USH2A: variants seen among roughly 807,000 people sequenced by gnomAD.
USH2A encodes the protein Usher syndrome 2A (autosomal recessive, mild).
In USH2A, 443 loss-of-function variants were observed where a neutral mutation model predicts 538.9. The ratio of observed to expected loss-of-function variants is 0.82; its 90% CI spans 0.76 to 0.89. USH2A has a LOEUF of 0.89. USH2A is among the 40% of genes least tolerant of loss of function. The pLI, the probability that USH2A is intolerant of heterozygous loss-of-function variation, is 0.00. For missense variants in USH2A, 6,633 were observed against 6,324.8 expected, an observed-to-expected ratio of 1.05 and a Z score of -1.65; for synonymous variants, 2,413 against 2,273.5, an observed-to-expected ratio of 1.06 and a Z score of -1.75.
At chr1:216,056,782 T>TTGTG (rs148484406) in intron 30 of USH2A, among the ~76,000 whole-genome samples, 6,526 of 149,372 alleles carry the variant, frequency 0.044, 180 homozygotes, top group Admixed American at 0.071. Flanking sequence ...ATGTGTGCAT[T>TTGTG]TGTGTGTGTG....
intron 55 of USH2A, among the ~76,000 whole-genome samples, chr1:215,773,744 G>C (rs1031517461): frequency 9.9e-5 from 15 of 152,050 alleles, no homozygotes; most frequent in Admixed American, 9.8e-4. Context: ...ATCCCTTTCG[G>C]AGCATCTCTG....
At position 215,786,771 on chromosome 1, in the gene USH2A, C is replaced by T; in HGVS notation, c.10286G>A (p.Arg3429Lys). The T allele has an allele frequency of 6.2e-7, 1 of 1,614,010 alleles. No individual in the cohort carries two copies. The highest frequency in any genetic ancestry group is 8.5e-7 in the Non-Finnish European group (1 of 1,179,948). The change falls in exon 52 of 72, where the codon AGA becomes AAA. Residue 3429 changes from arginine (R) to lysine (K), a missense_variant. Arg to Lys is a conservative substitution (Grantham distance 26). Transcript: ENST00000307340. Reference sequence around the variant, plus strand: ...CTTCCCTGTGGAATTGTGAGACCCTCTTATCACAGTGCAAATGTGGCTGGT... The same window carrying T: ...CTTCCCTGTGGAATTGTGAGACCCTTTTATCACAGTGCAAATGTGGCTGGT... ...NFTSHICTVI[R>K]GSHNSTGKAS...
At chr1:215,944,990 T>C (rs1666723310) in intron 37 of USH2A, among the ~76,000 whole-genome samples, 1 of 152,128 alleles carries the variant, frequency 6.6e-6, no homozygotes, top group Non-Finnish European at 1.5e-5. Flanking sequence ...CATCAAATAA[T>C]TGCCTTATTC....
chr1:216,086,907 T>C, intron 23 of USH2A, 87 bp from the exon 24 acceptor site: 1 of 999,686 alleles, frequency 1.0e-6, no homozygotes, highest in South Asian at 1.3e-5. Flanking sequence ...TCACCAGCCT[T>C]TGGGATACCA....
At chr1:215,647,388 A>G in intron 67 of USH2A, 134 bp downstream of exon 67, 1 of 1,106,362 alleles carries the variant, frequency 9.0e-7, no homozygotes, top group Non-Finnish European at 1.3e-6. Flanking sequence ...ATCCTCATCA[A>G]TGCTTCAGTA....
At chr1:215,630,751 G>T (rs938249668) in intron 70 of USH2A, among the ~76,000 whole-genome samples, 2 of 151,492 alleles carry the variant, frequency 1.3e-5, no homozygotes, top group Non-Finnish European at 2.9e-5. Flanking sequence ...TACTCAGGAG[G>T]CTGAGGCAGG....
At chr1:215,846,073 G>A (rs1030816462) in intron 44 of USH2A, 40 bp from the exon 45 acceptor site, 5 of 1,590,048 alleles carry the variant, frequency 3.1e-6, no homozygotes, top group Non-Finnish European at 4.3e-6. Context: ...ATGTAGCTGA[G>A]GCTTTCAGGG....
intron 14 of USH2A, among the ~76,000 whole-genome samples, chr1:216,223,967 G>A (rs2035512397): frequency 6.6e-6 from 1 of 152,158 alleles, no homozygotes; most frequent in Non-Finnish European, 1.5e-5. Flanking sequence ...GAACTTCCCT[G>A]TATTTTATGC....
chr1:216,220,681 T>C (rs886371325), intron 14 of USH2A, among the ~76,000 whole-genome samples: 4 of 151,374 alleles, frequency 2.6e-5, no homozygotes, highest in Non-Finnish European at 5.9e-5. Flanking sequence ...TGAGAAATGG[T>C]GATAGATAAA....
At chr1:216,368,821 C>G (rs1184093895) in intron 3 of USH2A, among the ~76,000 whole-genome samples, 18 of 151,966 alleles carry the variant, frequency 1.2e-4, no homozygotes. Flanking sequence ...TATTTTTGGA[C>G]CTTCTCTGTG....
At chr1:215,862,050 G>A (rs1326419746) in intron 44 of USH2A, among the ~76,000 whole-genome samples, 1 of 151,998 alleles carries the variant, frequency 6.6e-6, no homozygotes, top group Non-Finnish European at 1.5e-5. Flanking sequence ...ATGTTGGCCA[G>A]GATGGTCTCG....
intron 13 of USH2A, among the ~76,000 whole-genome samples, chr1:216,241,730 C>T (rs1263440422): frequency 5.3e-5 from 8 of 152,080 alleles, no homozygotes; most frequent in Admixed American, 5.2e-4. Flanking sequence ...GATGGAGTTT[C>T]ACCATGTTGC....
At chr1:215,985,129 T>C (rs1247076695) in intron 35 of USH2A, among the ~76,000 whole-genome samples, 1 of 152,210 alleles carries the variant, frequency 6.6e-6, no homozygotes, top group Non-Finnish European at 1.5e-5. Context: ...ATTTCACTTA[T>C]TAAAACTGAG....
intron 35 of USH2A, among the ~76,000 whole-genome samples, chr1:215,982,197 T>C (rs1667767814): frequency 6.6e-6 from 1 of 152,226 alleles, no homozygotes; most frequent in Admixed American, 6.5e-5. Flanking sequence ...CTTTCATTTC[T>C]TGACCAACAA....
chr1:216,191,567 T>C (rs1310036242), intron 19 of USH2A, among the ~76,000 whole-genome samples: 3 of 152,092 alleles, frequency 2.0e-5, no homozygotes, highest in South Asian at 4.1e-4. Flanking sequence ...AAGAAAAACA[T>C]CAAATACCAA....
intron 26 of USH2A, among the ~76,000 whole-genome samples, chr1:216,082,664 C>A (rs1180489153): frequency 6.6e-6 from 1 of 151,944 alleles, no homozygotes; most frequent in East Asian, 1.9e-4. Context: ...TGATTAAAGA[C>A]AAGGAAAAGC....
intron 55 of USH2A, among the ~76,000 whole-genome samples, chr1:215,773,662 A>G (rs1661368857): frequency 6.6e-6 from 1 of 152,010 alleles, no homozygotes; most frequent in South Asian, 2.1e-4. Context: ...AACGAGCCCC[A>G]GAGTATATAC....
rs531492301 is a variant in USH2A, at chr1:215,792,612, C to T, written c.9959-2330G>A. 3.3e-5 allele frequency among the ~76,000 whole-genome samples: 5 copies of T among 152,240 alleles called. 1 individual carries two copies. In the South Asian group the frequency reaches 6.2e-4, roughly 19 times the overall value. ...AATATTCTGACATAAAGATGTCTGA[C>T]GTGCACTAACTCACTTAGGGAGAGC... is the stretch of plus-strand genomic sequence containing the variant. On this transcript the variant is annotated intron_variant, in intron 50 of 71. Coordinates refer to ENST00000307340, the MANE Select transcript of USH2A (RefSeq NM_206933.4).
chr1:216,214,042 A>T (rs1282280073), intron 15 of USH2A, among the ~76,000 whole-genome samples: 1 of 152,100 alleles, frequency 6.6e-6, no homozygotes, highest in Non-Finnish European at 1.5e-5. Flanking sequence ...AAATAGAGTC[A>T]ATGCCAAATG....
Sources: gnomAD v4.1 joint callset for allele counts (sites outside exome capture counted in the v4.1 genomes callset) on GRCh38, gnomAD v4.1.1 for gene constraint, MANE v1.5 for transcripts, NCBI Gene and HGNC (gene_info 2026-07-23, HGNC 2026-07-21) for gene names.